SND1: variants seen among roughly 807,000 people sequenced by gnomAD.
The protein encoded by SND1 is staphylococcal nuclease and tudor domain containing 1.
SND1 carries 38 observed loss-of-function variants against 121.7 expected under a neutral mutation model. That is an observed-to-expected ratio of 0.31 (90% CI 0.24 to 0.41). The LOEUF (loss-of-function observed/expected upper bound fraction) is 0.41. SND1 is among the 10% of genes least tolerant of loss of function. SND1 has a pLI of 1.00. For synonymous variants in SND1, 401 were observed against 447.4 expected (o/e 0.90, Z 1.31); for missense variants, 868 against 1,184.6 (o/e 0.73, Z 3.92).
chr7:127,652,269 A>G lies in SND1; in HGVS notation c.-105A>G, dbSNP rs2116209409. ...GTCCCGTCCACCGTCCGCAGCTGGT[A>G]GCCAGCCTGCCCCTCGCCTCGACTC... On this transcript the variant is annotated 5_prime_UTR_variant, in exon 1 of 24. Transcript: ENST00000354725. 4 of 941,044 alleles carry G rather than the reference A, an allele frequency of 4.3e-6. No individual in the cohort carries two copies. The South Asian group carries it at 5.6e-5, about 13-fold the overall frequency. 58.3% of individuals were successfully genotyped at this position (941,044 alleles called of 1,614,324 possible).
At chr7:127,761,586 A>G (rs1797306839) in intron 10 of SND1, among the ~76,000 whole-genome samples, 1 of 152,212 alleles carries the variant, frequency 6.6e-6, no homozygotes, top group Non-Finnish European at 1.5e-5. Flanking sequence ...GTCTTTTCCT[A>G]GAAATGTTTG....
chr7:127,709,192 C>T lies in SND1; in HGVS notation c.1038+1545C>T, dbSNP rs11973903. ...ATGTCCCTTCTTTGTGAGGCGTGTA[C>T]GTGTGTGGACACTTGGACATGGCTT... On this transcript the variant is annotated intron_variant, in intron 9 of 23. Coordinates refer to ENST00000354725, the MANE Select transcript of SND1 (RefSeq NM_014390.4). Among the ~76,000 whole-genome samples, 645 of 152,262 alleles carry T rather than the reference C, an allele frequency of 4.2e-3. 7 individuals are homozygous for T. Among genetic ancestry groups the T allele is most frequent in the African/African-American group, 0.015 (618 of 41,538 alleles).
chr7:127,791,413 A>G (rs1797907766), intron 10 of SND1, among the ~76,000 whole-genome samples: 1 of 152,160 alleles, frequency 6.6e-6, no homozygotes, highest in Admixed American at 6.5e-5. Flanking sequence ...TTGGCTGCCC[A>G]AACTGCTGGG....
At chr7:127,917,684 A>G (rs1465974199) in intron 14 of SND1, among the ~76,000 whole-genome samples, 2 of 152,186 alleles carry the variant, frequency 1.3e-5, no homozygotes, top group African/African-American at 4.8e-5. Flanking sequence ...GGGCCTCCCA[A>G]AGTGCTGGGA....
At chr7:127,810,099 A>G (rs1467907220) in intron 11 of SND1, among the ~76,000 whole-genome samples, 1 of 151,560 alleles carries the variant, frequency 6.6e-6, no homozygotes, top group African/African-American at 2.4e-5. Flanking sequence ...CTACTTTTTC[A>G]GTTATGATAT....
Position 127,843,057 on chromosome 7 carries a change from T to C in SND1, c.1243-1267T>C, listed in dbSNP as rs868868395. Among the ~76,000 whole-genome samples, 10 of 152,334 alleles carry C rather than the reference T, an allele frequency of 6.6e-5. No homozygotes were observed. In the South Asian group the frequency reaches 2.1e-3, roughly 32 times the overall value. On this transcript the variant is annotated intron_variant, in intron 11 of 23. Coordinates refer to ENST00000354725, the MANE Select transcript of SND1 (RefSeq NM_014390.4). ...GACCTATGTGTTTAGTTGTTTGATTTACATCTTTGGTTATCAGCTTTTTTC... is the reference window on the plus strand; with the variant it reads ...GACCTATGTGTTTAGTTGTTTGATTCACATCTTTGGTTATCAGCTTTTTTC...
At chr7:127,904,398 ATTAC>A in intron 13 of SND1, 1 of 167,502 alleles carries the variant, frequency 6.0e-6, no homozygotes, top group Middle Eastern at 2.7e-3. Flanking sequence ...AAGAAATGTT[ATTAC>A]TTCTGTTTCT....
chr7:127,898,592 A>G (rs1800164722), intron 13 of SND1, among the ~76,000 whole-genome samples: 1 of 152,140 alleles, frequency 6.6e-6, no homozygotes, highest in African/African-American at 2.4e-5. Context: ...TGTGACCTGA[A>G]ACACAATGAG....
intron 1 of SND1, among the ~76,000 whole-genome samples, chr7:127,677,594 A>T (rs1795638139): frequency 6.6e-6 from 1 of 152,218 alleles, no homozygotes; most frequent in South Asian, 2.1e-4. Context: ...TAAATATTTT[A>T]GGCTTTGCCA....
At chr7:127,699,084 G>C in intron 4 of SND1, 131 bp downstream of exon 4, 1 of 693,676 alleles carries the variant, frequency 1.4e-6, no homozygotes, top group South Asian at 1.7e-5. Flanking sequence ...CCCAGGTATG[G>C]ATTATTCTGA....
intron 12 of SND1, among the ~76,000 whole-genome samples, chr7:127,874,728 G>A (rs1033763923): frequency 6.6e-5 from 10 of 151,992 alleles, no homozygotes; most frequent in Non-Finnish European, 1.5e-4. Flanking sequence ...AGACATTTTC[G>A]AATCATTTCT....
At chr7:127,966,293 A>G (rs893038144) in intron 15 of SND1, among the ~76,000 whole-genome samples, 1 of 151,138 alleles carries the variant, frequency 6.6e-6, no homozygotes, top group African/African-American at 2.4e-5. Context: ...AGACAGATCA[A>G]CGAGACAGAA....
intron 11 of SND1, among the ~76,000 whole-genome samples, chr7:127,831,337 C>T (rs1798734392): frequency 6.6e-6 from 1 of 152,228 alleles, no homozygotes; most frequent in African/African-American, 2.4e-5. Flanking sequence ...TCTTTTCCAG[C>T]TCTCTCTGAA....
At chr7:128,028,494 C>A in intron 16 of SND1, 21 of 537,866 alleles carry the variant, frequency 3.9e-5, no homozygotes, top group Non-Finnish European at 4.3e-5. Flanking sequence ...ATAGAACTTA[C>A]AAGTTAGAAA....
At chr7:127,698,988 CGG>C (rs1796055343) in intron 4 of SND1, 35 bp downstream of exon 4, 3 of 1,562,480 alleles carry the variant, frequency 1.9e-6, no homozygotes, top group Non-Finnish European at 2.6e-6. Flanking sequence ...TCTCTGACAG[CGG>C]TAAATTGGCT....
chr7:127,962,775 T>A (rs191992210), intron 15 of SND1, among the ~76,000 whole-genome samples: 1 of 152,294 alleles, frequency 6.6e-6, no homozygotes, highest in Non-Finnish European at 1.5e-5. Flanking sequence ...TGGAGTGGCA[T>A]TGTCATAGTT....
At chr7:128,077,803 AC>A (rs1274389009) in intron 17 of SND1, among the ~76,000 whole-genome samples, 3 of 152,014 alleles carry the variant, frequency 2.0e-5, no homozygotes, top group Non-Finnish European at 4.4e-5. Flanking sequence ...CAAGCTCAGG[AC>A]CCCTGTTCTC....
chr7:127,906,885 T>TG (rs1309072251), intron 14 of SND1, among the ~76,000 whole-genome samples: 1 of 152,164 alleles, frequency 6.6e-6, no homozygotes, highest in Non-Finnish European at 1.5e-5. Flanking sequence ...TCATTAGCAG[T>TG]GGGTCTTGTG....
chr7:127,825,941 C>G (rs1426611027), intron 11 of SND1, among the ~76,000 whole-genome samples: 1 of 152,062 alleles, frequency 6.6e-6, no homozygotes, highest in Non-Finnish European at 1.5e-5. Context: ...CCTGTAATCC[C>G]AGCACTTTGG....
Sources: gnomAD v4.1 joint callset for allele counts (sites outside exome capture counted in the v4.1 genomes callset) on GRCh38, gnomAD v4.1.1 for gene constraint, MANE v1.5 for transcripts, NCBI Gene and HGNC (gene_info 2026-07-23, HGNC 2026-07-21) for gene names.